Variants in SFRP1 observed in about 807,000 individuals in gnomAD.
SFRP1 encodes secreted frizzled related protein 1, also known as secreted frizzled-related protein 1.
A neutral mutation model predicts 25.9 loss-of-function variants in SFRP1; 9 were observed. That is an observed-to-expected ratio of 0.35 (90% confidence interval 0.21 to 0.61). The LOEUF is 0.61. Ranked by LOEUF, SFRP1 falls within the 20% of genes least tolerant of loss-of-function variation. The pLI is 0.78. For missense variants in SFRP1, 346 were observed against 418.2 expected (o/e 0.83, Z 1.51); for synonymous variants, 178 against 174.0 (o/e 1.02, Z -0.18).
At position 41,308,605 on chromosome 8, in the gene SFRP1, G is replaced by C; in HGVS notation, c.544+11C>G. 1.3e-6 allele frequency: 2 copies of C among 1,570,426 alleles called. No homozygotes were observed. The highest frequency in any genetic ancestry group is 1.7e-6 in the Non-Finnish European group (2 of 1,152,008). ...GGGGCGGCTCGCGCACGTGGGAGGA[G>C]GCAGCCTTACCTTGGGGCTTGGAGG... On this transcript the variant is annotated intron_variant, in intron 1 of 2. Transcript: ENST00000220772.
chr8:41,306,891 T>C (rs1563368710), intron 1 of SFRP1: 1 of 1,591,102 alleles, frequency 6.3e-7, no homozygotes, highest in South Asian at 1.1e-5. Context: ...GAGGGATTCT[T>C]TCCTCTCTTC....
intron 2 of SFRP1, among the ~76,000 whole-genome samples, chr8:41,266,921 C>G (rs1803443033): frequency 6.6e-6 from 1 of 152,176 alleles, no homozygotes; most frequent in Non-Finnish European, 1.5e-5. Flanking sequence ...CAACGTCCAA[C>G]CACAGCATGG....
rs144209655 is a variant in SFRP1, at chr8:41,287,055, C to T, written c.622+16406G>A. Among the ~76,000 whole-genome samples, 408 of 152,312 alleles carry T rather than the reference C, an allele frequency of 2.7e-3. 2 individuals are homozygous for T. The highest frequency in any genetic ancestry group is 8.9e-3 in the African/African-American group (372 of 41,566). ...TAACGTCTACAGTGGGACCCTACCA[C>T]GGAACAAGGCAGCCTGCCCCTCTGC... On this transcript the variant is annotated intron_variant, in intron 2 of 2. Coordinates refer to ENST00000220772, the MANE Select transcript of SFRP1 (RefSeq NM_003012.5).
intron 1 of SFRP1, among the ~76,000 whole-genome samples, chr8:41,303,948 C>T (rs1414158780): frequency 6.6e-6 from 1 of 152,164 alleles, no homozygotes; most frequent in African/African-American, 2.4e-5. Flanking sequence ...CTGCCCCCTT[C>T]CCATTTCCAC....
chr8:41,271,862 G>A (rs1472120707), intron 2 of SFRP1, among the ~76,000 whole-genome samples: 1 of 152,050 alleles, frequency 6.6e-6, no homozygotes, highest in East Asian at 1.9e-4. Context: ...TACTCAGGAA[G>A]CTGAGATGAG....
chr8:41,286,324 TTCCG>T (rs1803700593), intron 2 of SFRP1, among the ~76,000 whole-genome samples: 1 of 152,216 alleles, frequency 6.6e-6, no homozygotes, highest in Non-Finnish European at 1.5e-5. Context: ...TCTACTCCTG[TTCCG>T]AGGCAGGGGC....
chr8:41,274,497 T>G, intron 2 of SFRP1, among the ~76,000 whole-genome samples: 1 of 152,094 alleles, frequency 6.6e-6, no homozygotes, highest in Non-Finnish European at 1.5e-5. Flanking sequence ...ACACTGAATA[T>G]TAACCAAAAA....
At chr8:41,293,733 C>G (rs1803806176) in intron 2 of SFRP1, among the ~76,000 whole-genome samples, 1 of 152,084 alleles carries the variant, frequency 6.6e-6, no homozygotes, top group African/African-American at 2.4e-5. Context: ...GTCTCGCCCA[C>G]CAGATTCTTG....
chr8:41,297,016 T>C (rs532377988), intron 2 of SFRP1, among the ~76,000 whole-genome samples: 1 of 152,264 alleles, frequency 6.6e-6, no homozygotes, highest in Non-Finnish European at 1.5e-5. Context: ...TTACAGCACC[T>C]TGAAGCTGCA....
chr8:41,265,356 A>G lies in SFRP1; in HGVS notation c.756T>C (p.Asn252=), dbSNP rs985272839. 1 of 1,614,078 alleles carries G rather than the reference A, an allele frequency of 6.2e-7. No individual in the cohort carries two copies. Among genetic ancestry groups the G allele is most frequent in the Non-Finnish European group, 8.5e-7 (1 of 1,180,038 alleles). ...GCTGGTGGCAGGGACAGTCAGCCCC[A>G]TTCTTCAGGTACAGCACAAGCTTCT... ...DLKKLVLYLK[N]GADCPCHQLD... Residue 252 remains asparagine (N), a synonymous_variant, in exon 3 of 3, where the codon AAT becomes AAC. Transcript: ENST00000220772.
chr8:41,267,163 T>C (rs1311264025), intron 2 of SFRP1, among the ~76,000 whole-genome samples: 2 of 152,218 alleles, frequency 1.3e-5, no homozygotes, highest in Non-Finnish European at 2.9e-5. Context: ...TCAAATCCAA[T>C]ATGGTACCAG....
chr8:41,292,330 G>A (rs549978187), intron 2 of SFRP1, among the ~76,000 whole-genome samples: 19 of 152,252 alleles, frequency 1.2e-4, no homozygotes, highest in African/African-American at 4.3e-4. Context: ...GACCTGGTGG[G>A]AGGTGACTGG....
At chr8:41,287,543 C>T (rs1414590927) in intron 2 of SFRP1, among the ~76,000 whole-genome samples, 1 of 152,190 alleles carries the variant, frequency 6.6e-6, no homozygotes, top group Non-Finnish European at 1.5e-5. Flanking sequence ...TAGGGGTGAG[C>T]CTGGCTCTAC....
chr8:41,287,458 T>C (rs556653615), intron 2 of SFRP1, among the ~76,000 whole-genome samples: 5 of 152,338 alleles, frequency 3.3e-5, no homozygotes, highest in South Asian at 2.1e-4. Flanking sequence ...CCAGGTCATG[T>C]GCCACTGCAG....
At position 41,262,465 on chromosome 8, in the gene SFRP1, T is replaced by A. The variant is rs1803387204; in HGVS notation, c.*2702A>T. ...GAATTCTACCCTGGGGAGAACTTGATGCTAACCCACAGGTACCAAGAGCCA... is the reference window on the plus strand; with the variant it reads ...GAATTCTACCCTGGGGAGAACTTGAAGCTAACCCACAGGTACCAAGAGCCA... On this transcript the variant is annotated 3_prime_UTR_variant, in exon 3 of 3. Transcript: ENST00000220772. 1 of 152,202 alleles carries A rather than the reference T, an allele frequency of 6.6e-6. No individual in the cohort carries two copies. The highest frequency in any genetic ancestry group is 1.5e-5 in the Non-Finnish European group (1 of 68,026). The allele number at this position is 152,202 out of a possible 1,614,324, so 9.4% of individuals were successfully genotyped here.
chr8:41,293,304 T>A (rs1316084771), intron 2 of SFRP1, among the ~76,000 whole-genome samples: 1 of 152,176 alleles, frequency 6.6e-6, no homozygotes, highest in Non-Finnish European at 1.5e-5. Flanking sequence ...AGCTGCGAAT[T>A]GGAAGGAGCA....
intron 2 of SFRP1, among the ~76,000 whole-genome samples, chr8:41,278,398 G>T (rs753963599): frequency 1.3e-5 from 2 of 152,106 alleles, no homozygotes; most frequent in Non-Finnish European, 2.9e-5. Context: ...CATAAACTTG[G>T]GTAAAATCAT....
intron 1 of SFRP1, chr8:41,306,921 C>A (rs531923688): frequency 1.3e-6 from 2 of 1,566,164 alleles, no homozygotes; most frequent in African/African-American, 1.3e-5. Context: ...CCCGTCCAAT[C>A]CCCCCATGTT....
chr8:41,291,133 C>A (rs1212077338), intron 2 of SFRP1, among the ~76,000 whole-genome samples: 1 of 151,726 alleles, frequency 6.6e-6, no homozygotes, highest in South Asian at 2.1e-4. Flanking sequence ...CGGTCTCGAT[C>A]TCCGGACCTC....
Sources: allele counts gnomAD v4.1 joint callset (sites outside exome capture counted in the v4.1 genomes callset), GRCh38; gene constraint gnomAD v4.1.1; transcripts MANE v1.5; gene names NCBI Gene and HGNC (gene_info 2026-07-23, HGNC 2026-07-21).